ADGRL3: variants seen among roughly 807,000 people sequenced by gnomAD.
The protein encoded by ADGRL3 is adhesion G protein-coupled receptor L3.
Under a neutral mutation model 153.5 loss-of-function variants are expected in ADGRL3, and 62 were observed. The ratio of observed to expected loss-of-function variants is 0.40; its 90% CI spans 0.33 to 0.50. The LOEUF (loss-of-function observed/expected upper bound fraction) is 0.50, where lower values mean the gene tolerates loss of function less well. ADGRL3 is among the 20% of genes least tolerant of loss of function. ADGRL3 has a pLI of 0.47. For synonymous variants in ADGRL3, 710 were observed against 672.5 expected (o/e 1.06, Z -0.86); for missense variants, 1,641 against 1,859.4 (o/e 0.88, Z 2.16).
At chr4:61,626,425 T>TC (rs386400247) in intron 5 of ADGRL3, among the ~76,000 whole-genome samples, 2 of 708 alleles carry the variant, frequency 2.8e-3, no homozygotes, top group East Asian at 0.011. Flanking sequence ...TTTAAAGGTA[T>TC]TTTTTTCTCT....
chr4:61,438,684 G>A (rs1033629488), intron 2 of ADGRL3, among the ~76,000 whole-genome samples: 3 of 149,292 alleles, frequency 2.0e-5, no homozygotes, highest in Non-Finnish European at 4.4e-5. Context: ...GTTTAGCAGA[G>A]TCATACTATG....
At chr4:61,205,604 GTCT>G (rs1468205040) in intron 1 of ADGRL3, among the ~76,000 whole-genome samples, 1 of 152,186 alleles carries the variant, frequency 6.6e-6, no homozygotes, top group South Asian at 2.1e-4. Context: ...TTATATTTAT[GTCT>G]TCTTATTTCA....
At chr4:62,069,655 T>C (rs75812508) in intron 26 of ADGRL3, among the ~76,000 whole-genome samples, 338 of 152,214 alleles carry the variant, frequency 2.2e-3, no homozygotes, top group African/African-American at 7.9e-3. Flanking sequence ...TGAATTATGT[T>C]AATATTATAC....
intron 5 of ADGRL3, among the ~76,000 whole-genome samples, chr4:61,665,642 G>A (rs1012991775): frequency 1.6e-4 from 25 of 152,000 alleles, no homozygotes; most frequent in African/African-American, 4.6e-4. Context: ...TTTTTAATAC[G>A]CAAAATGATA....
intron 1 of ADGRL3, among the ~76,000 whole-genome samples, chr4:61,300,583 T>A (rs555555851): frequency 1.8e-4 from 28 of 152,246 alleles, no homozygotes; most frequent in African/African-American, 6.5e-4. Flanking sequence ...AAAATTATTA[T>A]AAAAGTTGAG....
At chr4:61,759,327 G>C (rs2096879581) in intron 8 of ADGRL3, among the ~76,000 whole-genome samples, 1 of 152,046 alleles carries the variant, frequency 6.6e-6, no homozygotes, top group Non-Finnish European at 1.5e-5. Flanking sequence ...CGTAGATTTG[G>C]TGTTTTCACA....
intron 6 of ADGRL3, among the ~76,000 whole-genome samples, chr4:61,715,063 A>G (rs937188708): frequency 6.6e-6 from 1 of 152,214 alleles, no homozygotes; most frequent in Non-Finnish European, 1.5e-5. Flanking sequence ...GATTTGGTAG[A>G]ATGTTAATTA....
intron 8 of ADGRL3, among the ~76,000 whole-genome samples, chr4:61,791,595 C>A (rs1301038220): frequency 6.6e-6 from 1 of 152,194 alleles, no homozygotes; most frequent in East Asian, 1.9e-4. Flanking sequence ...AGGACAGAGG[C>A]CCTCTTCTCA....
At chr4:61,985,180 G>T (rs2150898026) in intron 19 of ADGRL3, among the ~76,000 whole-genome samples, 1 of 152,020 alleles carries the variant, frequency 6.6e-6, no homozygotes, top group Non-Finnish European at 1.5e-5. Context: ...TAAATTAATT[G>T]CATTGCCTGT....
chr4:61,900,126 C>T (rs772627030), intron 11 of ADGRL3, among the ~76,000 whole-genome samples: 4 of 152,058 alleles, frequency 2.6e-5, no homozygotes, highest in Non-Finnish European at 4.4e-5. Context: ...GGATTCGTTT[C>T]CCCATCTGTA....
At chr4:61,420,435 C>T (rs1256903051) in intron 2 of ADGRL3, 1 of 102,244 alleles carries the variant, frequency 9.8e-6, no homozygotes, top group Non-Finnish European at 1.8e-5. Flanking sequence ...GAGGCGGAGT[C>T]TCACTCCGTA....
intron 4 of ADGRL3, among the ~76,000 whole-genome samples, chr4:61,550,630 T>C (rs2098735973): frequency 6.8e-6 from 1 of 147,294 alleles, no homozygotes; most frequent in Non-Finnish European, 1.5e-5. Flanking sequence ...CAAGCGAGGA[T>C]AGCAAAGGAA....
intron 5 of ADGRL3, among the ~76,000 whole-genome samples, chr4:61,665,454 A>T (rs2094759512): frequency 6.6e-6 from 1 of 152,124 alleles, no homozygotes; most frequent in Non-Finnish European, 1.5e-5. Context: ...AACATGGTAG[A>T]GCTTTACTTT....
intron 17 of ADGRL3, among the ~76,000 whole-genome samples, chr4:61,956,575 A>G (rs1249228611): frequency 2.0e-5 from 3 of 151,794 alleles, no homozygotes; most frequent in Non-Finnish European, 4.4e-5. Flanking sequence ...CTTTTGTTGC[A>G]ATTGCTTTTG....
intron 11 of ADGRL3, 46 bp from the exon 12 acceptor site, chr4:61,909,514 A>G (rs1560360448): frequency 2.3e-6 from 3 of 1,310,132 alleles, no homozygotes; most frequent in Non-Finnish European, 3.2e-6. Context: ...CAATAAAAGT[A>G]TTTATGTGAG....
At chr4:61,652,264 G>A (rs772365365) in intron 5 of ADGRL3, among the ~76,000 whole-genome samples, 2 of 151,904 alleles carry the variant, frequency 1.3e-5, no homozygotes, top group Non-Finnish European at 2.9e-5. Context: ...ATAGGATTTT[G>A]TTCATATTAT....
At chr4:61,613,211 G>T (rs995806781) in intron 5 of ADGRL3, among the ~76,000 whole-genome samples, 35 of 152,082 alleles carry the variant, frequency 2.3e-4, no homozygotes, top group African/African-American at 8.2e-4. Flanking sequence ...GTGGTGCTGG[G>T]TATGTTCTTT....
At chr4:61,645,482 TG>T (rs1235289644) in intron 5 of ADGRL3, among the ~76,000 whole-genome samples, 12 of 151,700 alleles carry the variant, frequency 7.9e-5, no homozygotes, top group Non-Finnish European at 1.6e-4. Flanking sequence ...GCAGGCCTGG[TG>T]GTGACAAAAT....
At chr4:61,617,064 T>C (rs1025579010) in intron 5 of ADGRL3, among the ~76,000 whole-genome samples, 1 of 152,206 alleles carries the variant, frequency 6.6e-6, no homozygotes, top group Non-Finnish European at 1.5e-5. Context: ...ACACTCCTTA[T>C]ATTTATTCCA....
Sources: allele counts gnomAD v4.1 joint callset (sites outside exome capture counted in the v4.1 genomes callset), GRCh38; gene constraint gnomAD v4.1.1; transcripts MANE v1.5; gene names NCBI Gene and HGNC (gene_info 2026-07-23, HGNC 2026-07-21).